The following MYO10 variants were observed in gnomAD, a reference collection of about 807,000 sequenced individuals.
MYO10 encodes unconventional myosin-X.
Under a neutral mutation model 257.3 loss-of-function variants are expected in MYO10, and 133 were observed. The ratio of observed to expected loss-of-function variants is 0.52; its 90% CI spans 0.45 to 0.60. The LOEUF is 0.60. Among genes scored for constraint, MYO10 ranks in the 20% least tolerant of loss-of-function variants. The pLI, the probability that MYO10 is intolerant of heterozygous loss-of-function variation, is 0.00. For synonymous variants in MYO10, 1,104 were observed against 1,028.6 expected (o/e 1.07, Z -1.40); for missense variants, 2,399 against 2,635.7 (o/e 0.91, Z 1.97).
intron 19 of MYO10, among the ~76,000 whole-genome samples, chr5:16,745,151 C>T (rs1473165348): frequency 2.0e-5 from 3 of 151,560 alleles, no homozygotes; most frequent in Admixed American, 2.0e-4. Flanking sequence ...ACTATCCTGG[C>T]CAACATGGTG....
At chr5:16,761,139 T>TGC (rs1740702208) in intron 17 of MYO10, among the ~76,000 whole-genome samples, 2 of 152,068 alleles carry the variant, frequency 1.3e-5, no homozygotes, top group Non-Finnish European at 2.9e-5. Flanking sequence ...TACAGGTGCC[T>TGC]GCCACCATGC....
At chr5:16,847,421 C>T (rs1197948806) in intron 2 of MYO10, among the ~76,000 whole-genome samples, 1 of 128,228 alleles carries the variant, frequency 7.8e-6, no homozygotes, top group Non-Finnish European at 1.6e-5. Flanking sequence ...GAGACTCCAC[C>T]TCAAAAAAAA....
Position 16,781,776 on chromosome 5 carries a change from C to T in MYO10, c.656G>A (p.Ser219Asn). Residue 219 changes from serine (S) to asparagine (N), a missense_variant, in exon 6 of 41, where the codon AGT (serine) becomes AAT (asparagine). By Grantham distance (46) the Ser-to-Asn change is conservative. This residue lies in a region of MYO10 where 337 missense variants were observed against 446.8 expected (regional missense o/e 0.75). Transcript: ENST00000513610. ...CAGCTGAACAAACTTCCCAAAGCGA[C>T]TAGAGTTGTTGTTGTACACGGTCTT... ...NAKTVYNNNS[S>N]RFGKFVQLNI... is the part of the protein sequence containing the mutation. 1 of 1,613,956 alleles carries T rather than the reference C, an allele frequency of 6.2e-7. No homozygotes were observed. Among genetic ancestry groups the T allele is most frequent in the South Asian group, 1.1e-5 (1 of 91,082 alleles).
intron 1 of MYO10, among the ~76,000 whole-genome samples, chr5:16,912,802 G>GCACGCACA (rs1554008422): frequency 7.2e-5 from 8 of 111,594 alleles, no homozygotes; most frequent in African/African-American, 2.8e-4. Flanking sequence ...CTACCACCCT[G>GCACGCACA]CACACACACA....
At chr5:16,713,531 G>A in intron 19 of MYO10, 1 of 970,520 alleles carries the variant, frequency 1.0e-6, no homozygotes, top group Non-Finnish European at 1.2e-6. Context: ...TGGTGTGGTT[G>A]TAGGATTTGA....
chr5:16,923,660 C>CCACACACACA (rs1746050937), intron 1 of MYO10, among the ~76,000 whole-genome samples: 1 of 116,172 alleles, frequency 8.6e-6, no homozygotes, highest in African/African-American at 3.6e-5. Context: ...TTAAACACGC[C>CCACACACACA]CATACACACA....
At chr5:16,738,367 T>C (rs1402662185) in intron 19 of MYO10, 1 of 985,452 alleles carries the variant, frequency 1.0e-6, no homozygotes, top group Non-Finnish European at 1.2e-6. Context: ...GGAAGCTTCC[T>C]GCAGAAGGGT....
intron 1 of MYO10, among the ~76,000 whole-genome samples, chr5:16,903,627 G>T (rs1007323019): frequency 1.3e-5 from 2 of 152,184 alleles, no homozygotes; most frequent in African/African-American, 4.8e-5. Context: ...AAGCAGCTAA[G>T]AGGTTAAATA....
At chr5:16,734,304 G>A (rs900346689) in intron 19 of MYO10, among the ~76,000 whole-genome samples, 1 of 152,084 alleles carries the variant, frequency 6.6e-6, no homozygotes, top group Non-Finnish European at 1.5e-5. Flanking sequence ...CAGCTTTCAG[G>A]GTTCTGATCA....
At chr5:16,794,522 G>A (rs1388143980) in intron 4 of MYO10, 124 bp downstream of exon 4, 11 of 909,810 alleles carry the variant, frequency 1.2e-5, no homozygotes, top group Admixed American at 1.1e-4. Context: ...AGAAAACTCT[G>A]TCGGAGAAAC....
chr5:16,787,821 T>A (rs1005156109), intron 4 of MYO10, among the ~76,000 whole-genome samples: 3 of 151,954 alleles, frequency 2.0e-5, no homozygotes, highest in Non-Finnish European at 4.4e-5. Flanking sequence ...TGTGTGTGTG[T>A]GAGTTTCGCT....
chr5:16,798,422 C>T (rs1580003179), intron 3 of MYO10, among the ~76,000 whole-genome samples: 1 of 152,082 alleles, frequency 6.6e-6, no homozygotes, highest in Middle Eastern at 3.4e-3. Flanking sequence ...CTCTAGAAAA[C>T]CCATTTTGTC....
chr5:16,751,973 C>A (rs1560965645), intron 19 of MYO10, among the ~76,000 whole-genome samples: 1 of 152,130 alleles, frequency 6.6e-6, no homozygotes, highest in Non-Finnish European at 1.5e-5. Context: ...CAAATCTCAG[C>A]ATGGAAAAAT....
chr5:16,800,588 C>T (rs563709319), intron 3 of MYO10, among the ~76,000 whole-genome samples: 122 of 152,216 alleles, frequency 8.0e-4, no homozygotes, highest in African/African-American at 2.6e-3. Context: ...TCAGGCTCTC[C>T]GCCCATAAAA....
chr5:16,766,895 G>A (rs1017866290), intron 10 of MYO10, among the ~76,000 whole-genome samples: 5 of 149,560 alleles, frequency 3.3e-5, no homozygotes, highest in Admixed American at 6.7e-5. Context: ...TCAGCCTCCT[G>A]AGTATTTTTA....
chr5:16,709,010 C>T (rs556099870), intron 21 of MYO10, among the ~76,000 whole-genome samples: 1 of 152,338 alleles, frequency 6.6e-6, no homozygotes, highest in South Asian at 2.1e-4. Flanking sequence ...CTCATAGACA[C>T]TGATTAAGCT....
At position 16,760,586 on chromosome 5, in the gene MYO10, T is replaced by C. The variant is rs528925581; in HGVS notation, c.1739+878A>G. On this transcript the variant is annotated intron_variant, in intron 17 of 40. Transcript: ENST00000513610. ...TGATTTAATGGTGTAAATTTATAAT[T>C]CATGAACGAATAAATGAATATGTAA... 3.2e-3 allele frequency among the ~76,000 whole-genome samples: 487 copies of C among 152,298 alleles called. 3 individuals are homozygous for C. Among genetic ancestry groups the C allele is most frequent in the African/African-American group, 0.011 (461 of 41,558 alleles).
At chr5:16,827,993 C>A (rs1743051401) in intron 2 of MYO10, among the ~76,000 whole-genome samples, 1 of 152,174 alleles carries the variant, frequency 6.6e-6, no homozygotes, top group Non-Finnish European at 1.5e-5. Flanking sequence ...TAGAGTCAGA[C>A]CTTAGAGGGC....
intron 10 of MYO10, among the ~76,000 whole-genome samples, chr5:16,766,963 G>C (rs1190689863): frequency 6.6e-6 from 1 of 151,586 alleles, no homozygotes; most frequent in African/African-American, 2.4e-5. Context: ...GACCTCAAGT[G>C]ATCTCCCTGC....
Sources: allele counts gnomAD v4.1 joint callset (sites outside exome capture counted in the v4.1 genomes callset), GRCh38; gene constraint gnomAD v4.1.1; regional missense constraint gnomAD v4.1.1; transcripts MANE v1.5; gene names NCBI Gene and HGNC (gene_info 2026-07-23, HGNC 2026-07-21).